The following ZNF652 variants were observed in gnomAD, a reference collection of about 807,000 sequenced individuals.
ZNF652 encodes the protein zinc finger protein 652.
In ZNF652, 16 loss-of-function variants were observed where a neutral mutation model predicts 45.2. That is an observed-to-expected ratio of 0.35 (90% CI 0.24 to 0.54). The LOEUF is 0.54. Among genes scored for constraint, ZNF652 ranks in the 20% least tolerant of loss-of-function variants. The probability of loss-of-function intolerance (pLI) is 0.91; values close to 1 mark genes in which losing one functional copy is unlikely to be tolerated. For missense variants in ZNF652, 614 were observed against 765.6 expected, an observed-to-expected ratio of 0.80 and a Z score of 2.34; for synonymous variants, 250 against 260.6, an observed-to-expected ratio of 0.96 and a Z score of 0.39.
intron 1 of ZNF652, among the ~76,000 whole-genome samples, chr17:49,348,217 G>A (rs1001174120): frequency 5.9e-5 from 9 of 152,012 alleles, no homozygotes; most frequent in African/African-American, 1.9e-4. Context: ...AGGAGGCTGC[G>A]CATGGTGGCG....
At chr17:49,345,238 T>C (rs1210418784) in intron 1 of ZNF652, among the ~76,000 whole-genome samples, 1 of 150,250 alleles carries the variant, frequency 6.7e-6, no homozygotes, top group African/African-American at 2.4e-5. Context: ...AGTGTTGCTC[T>C]GTCACCCAGG....
intron 1 of ZNF652, among the ~76,000 whole-genome samples, chr17:49,348,843 C>CT (rs2070239897): frequency 6.6e-6 from 1 of 152,110 alleles, no homozygotes; most frequent in Non-Finnish European, 1.5e-5. Context: ...TGCACTCATC[C>CT]TAGTGTGTTT....
intron 1 of ZNF652, among the ~76,000 whole-genome samples, chr17:49,335,557 C>A (rs1169636511): frequency 6.6e-6 from 1 of 151,970 alleles, no homozygotes; most frequent in Non-Finnish European, 1.5e-5. Context: ...CCACCATGTT[C>A]TCTCTTATTA....
chr17:49,331,051 A>G (rs1196224976), intron 1 of ZNF652, among the ~76,000 whole-genome samples: 1 of 151,230 alleles, frequency 6.6e-6, no homozygotes, highest in East Asian at 2.0e-4. Flanking sequence ...CCTGGGCAGT[A>G]AGAGCAAAAC....
At chr17:49,336,580 C>CA (rs2070084384) in intron 1 of ZNF652, among the ~76,000 whole-genome samples, 1 of 151,900 alleles carries the variant, frequency 6.6e-6, no homozygotes, top group Non-Finnish European at 1.5e-5. Context: ...CTGCCTGCCT[C>CA]AGCCTCCCAA....
Sources: allele counts gnomAD v4.1 joint callset (sites outside exome capture counted in the v4.1 genomes callset), GRCh38; gene constraint gnomAD v4.1.1; transcripts MANE v1.5; gene names NCBI Gene and HGNC (gene_info 2026-07-23, HGNC 2026-07-21).